The following GALNT13 variants were observed in gnomAD, a reference collection of about 807,000 sequenced individuals.
The protein encoded by GALNT13 is polypeptide N-acetylgalactosaminyltransferase 13.
GALNT13 carries 28 observed loss-of-function variants against 64.2 expected under a neutral mutation model. The ratio of observed to expected loss-of-function variants is 0.44; its 90% CI spans 0.32 to 0.60. The LOEUF (loss-of-function observed/expected upper bound fraction) is 0.60. Among genes scored for constraint, GALNT13 ranks in the 20% least tolerant of loss-of-function variants. GALNT13 has a pLI of 0.05. For missense variants in GALNT13, 577 were observed against 669.8 expected (o/e 0.86, Z 1.53); for synonymous variants, 214 against 224.6 (o/e 0.95, Z 0.42).
the GALNT13 span, among the ~76,000 whole-genome samples, chr2:153,170,699 A>G: frequency 6.6e-6 from 1 of 152,246 alleles, no homozygotes; most frequent in Non-Finnish European, 1.5e-5. Flanking sequence ...CAACTGAAAC[A>G]AATGAAGTTA....
intron 9 of GALNT13, among the ~76,000 whole-genome samples, chr2:154,346,256 G>T (rs1281510322): frequency 4.6e-5 from 7 of 151,934 alleles, no homozygotes; most frequent in Non-Finnish European, 8.8e-5. Context: ...AGAAATAAAT[G>T]CTTTCCAAAA....
chr2:153,500,215 C>T, the GALNT13 span, among the ~76,000 whole-genome samples: 29 of 152,188 alleles, frequency 1.9e-4, no homozygotes, highest in African/African-American at 6.3e-4. Context: ...TAAGGGTTCC[C>T]AGTAAAAGGG....
At chr2:153,714,194 G>C in the GALNT13 span, among the ~76,000 whole-genome samples, 1 of 152,170 alleles carries the variant, frequency 6.6e-6, no homozygotes, top group South Asian at 2.1e-4. Context: ...ATTTAGAATT[G>C]ATAGTCCGAC....
At chr2:153,345,693 T>TC in the GALNT13 span, among the ~76,000 whole-genome samples, 6 of 130,320 alleles carry the variant, frequency 4.6e-5, no homozygotes, top group Non-Finnish European at 8.4e-5. Context: ...CTTTCTTTCT[T>TC]TCTTTCTTTC....
chr2:154,148,232 A>G (rs564169900), intron 4 of GALNT13, among the ~76,000 whole-genome samples: 1 of 151,972 alleles, frequency 6.6e-6, no homozygotes, highest in African/African-American at 2.4e-5. Context: ...AATTTCATCC[A>G]TGTCCCTACA....
the GALNT13 span, among the ~76,000 whole-genome samples, chr2:153,470,015 A>G: frequency 2.0e-5 from 3 of 152,142 alleles, no homozygotes; most frequent in Admixed American, 2.0e-4. Flanking sequence ...AAAAATTATA[A>G]AAGTCTTTTT....
At chr2:153,633,194 A>C in the GALNT13 span, among the ~76,000 whole-genome samples, 1 of 152,196 alleles carries the variant, frequency 6.6e-6, no homozygotes, top group African/African-American at 2.4e-5. Context: ...ATGGCTAAGC[A>C]TACCTTTAAT....
chr2:153,375,337 A>G, the GALNT13 span, among the ~76,000 whole-genome samples: 2 of 152,178 alleles, frequency 1.3e-5, no homozygotes, highest in Admixed American at 6.5e-5. Flanking sequence ...TGACAAATAT[A>G]TAATGTATAA....
the GALNT13 span, among the ~76,000 whole-genome samples, chr2:153,121,707 T>A: frequency 1.3e-5 from 2 of 152,058 alleles, no homozygotes; most frequent in Non-Finnish European, 2.9e-5. Context: ...TTGTATTTTG[T>A]ATTTTTAGTA....
chr2:153,960,173 A>C (rs531187939), intron 3 of GALNT13, among the ~76,000 whole-genome samples: 1 of 152,224 alleles, frequency 6.6e-6, no homozygotes, highest in Non-Finnish European at 1.5e-5. Context: ...TCAGTCTGCT[A>C]ATCACTTTTT....
chr2:153,996,608 GTC>G (rs1201578341), intron 3 of GALNT13, among the ~76,000 whole-genome samples: 1 of 151,988 alleles, frequency 6.6e-6, no homozygotes, highest in Non-Finnish European at 1.5e-5. Context: ...TGCAAATATT[GTC>G]TCTCATTATG....
chr2:153,658,576 A>G, the GALNT13 span, among the ~76,000 whole-genome samples: 2 of 152,166 alleles, frequency 1.3e-5, no homozygotes, highest in Non-Finnish European at 2.9e-5. Context: ...ACTTTTATTT[A>G]GCATTTTTAA....
At chr2:154,397,722 T>C (rs1435596092) in intron 10 of GALNT13, among the ~76,000 whole-genome samples, 1 of 152,218 alleles carries the variant, frequency 6.6e-6, no homozygotes. Context: ...TATTCATGCC[T>C]TATTGTCCAA....
intron 9 of GALNT13, among the ~76,000 whole-genome samples, chr2:154,329,390 A>AC (rs1695048962): frequency 6.6e-6 from 1 of 152,230 alleles, no homozygotes. Flanking sequence ...GGCGTAAGCC[A>AC]CCATGCCCAG....
At chr2:153,737,312 T>G in the GALNT13 span, among the ~76,000 whole-genome samples, 1 of 152,194 alleles carries the variant, frequency 6.6e-6, no homozygotes, top group Non-Finnish European at 1.5e-5. Flanking sequence ...TACTCTTGTT[T>G]TCTCTACTCT....
At chr2:153,952,613 G>A (rs914399609) in intron 3 of GALNT13, among the ~76,000 whole-genome samples, 11 of 152,068 alleles carry the variant, frequency 7.2e-5, no homozygotes, top group Admixed American at 1.3e-4. Flanking sequence ...GTTATGATAT[G>A]TATTACTCAC....
chr2:154,082,489 C>G lies in GALNT13; in HGVS notation c.143-57848C>G, dbSNP rs1298125419. ...CTGGAATGCTTGTGCTTTGGGCATA[C>G]CTTATGTGCAACTCTATTGTGATGA... On this transcript the variant is annotated intron_variant, in intron 3 of 12. Transcript: ENST00000392825. Among the ~76,000 whole-genome samples, 6 of 151,580 alleles carry G rather than the reference C, an allele frequency of 4.0e-5. No individual in the cohort carries two copies. In the Admixed American group the frequency reaches 4.0e-4, roughly 10 times the overall value.
chr2:153,895,574 C>G (rs956771488), intron 1 of GALNT13, among the ~76,000 whole-genome samples: 3 of 152,016 alleles, frequency 2.0e-5, no homozygotes, highest in Non-Finnish European at 4.4e-5. Flanking sequence ...ATATGCAGAA[C>G]TAGGGTCAAG....
chr2:154,191,322 G>C (rs1686566464), intron 4 of GALNT13, among the ~76,000 whole-genome samples: 1 of 152,160 alleles, frequency 6.6e-6, no homozygotes, highest in Admixed American at 6.5e-5. Context: ...CCTGAGCAGA[G>C]TAATGGATTA....
Sources: allele counts gnomAD v4.1 joint callset (sites outside exome capture counted in the v4.1 genomes callset), GRCh38; gene constraint gnomAD v4.1.1; transcripts MANE v1.5; gene names NCBI Gene and HGNC (gene_info 2026-07-23, HGNC 2026-07-21).